ZNF362: variants seen among roughly 807,000 people sequenced by gnomAD.
The protein encoded by ZNF362 is zinc finger protein 362.
A neutral mutation model predicts 42.9 loss-of-function variants in ZNF362; 11 were observed. The observed-to-expected ratio is 0.26, with a 90% CI of 0.16 to 0.42. The LOEUF (loss-of-function observed/expected upper bound fraction) is 0.42. Among genes scored for constraint, ZNF362 ranks in the 20% least tolerant of loss-of-function variants. The probability of loss-of-function intolerance (pLI) is 1.00; values close to 1 mark genes in which losing one functional copy is unlikely to be tolerated. For synonymous variants in ZNF362, 255 were observed against 257.3 expected (o/e 0.99, Z 0.09); for missense variants, 362 against 576.2 (o/e 0.63, Z 3.81).
chr1:33,262,294 ATTCT>A (rs1180965798), intron 1 of ZNF362, among the ~76,000 whole-genome samples: 3 of 93,020 alleles, frequency 3.2e-5, no homozygotes, highest in Admixed American at 2.4e-4. Flanking sequence ...AGGCTTTAGG[ATTCT>A]TTTTTTTTTT....
At chr1:33,236,512 A>G in the ZNF362 span, among the ~76,000 whole-genome samples, 4 of 131,976 alleles carry the variant, frequency 3.0e-5, no homozygotes, top group African/African-American at 5.7e-5. Flanking sequence ...CCTGGGTGAC[A>G]GAACAAGACT....
At chr1:33,270,388 T>C (rs1331607840) in intron 1 of ZNF362, 99 bp from the exon 2 acceptor site, 4 of 560,866 alleles carry the variant, frequency 7.1e-6, no homozygotes, top group Middle Eastern at 4.7e-4. Context: ...GTGACATGAA[T>C]CATGACATAT....
chr1:33,173,405 G>T, the ZNF362 span, among the ~76,000 whole-genome samples: 1 of 152,204 alleles, frequency 6.6e-6, no homozygotes, highest in Non-Finnish European at 1.5e-5. Flanking sequence ...ATGTGTGTGT[G>T]TGAGCTTGTG....
At chr1:33,152,573 GAAAAAA>G in the ZNF362 span, among the ~76,000 whole-genome samples, 6 of 102,824 alleles carry the variant, frequency 5.8e-5, no homozygotes, top group Non-Finnish European at 1.2e-4. Flanking sequence ...GTCTCAAAAA[GAAAAAA>G]AAAAAAAAAA....
chr1:33,166,611 C>T, the ZNF362 span, among the ~76,000 whole-genome samples: 2 of 151,992 alleles, frequency 1.3e-5, no homozygotes, highest in African/African-American at 4.8e-5. Flanking sequence ...AGAAACTGGC[C>T]CCATAGCATA....
chr1:33,218,283 A>C, the ZNF362 span, among the ~76,000 whole-genome samples: 1 of 152,186 alleles, frequency 6.6e-6, no homozygotes, highest in Non-Finnish European at 1.5e-5. Flanking sequence ...TCTACAAAAA[A>C]TTTAAAAATT....
At chr1:33,147,547 C>T in the ZNF362 span, 1 of 1,614,106 alleles carries the variant, frequency 6.2e-7, no homozygotes, top group Non-Finnish European at 8.5e-7. This position sits in a 1 kb window ranked among gnomAD's most constrained non-coding sequence, Gnocchi z 8.1. Context: ...CACCACCTCC[C>T]AGTAGTGGAC....
chr1:33,140,301 G>C, the ZNF362 span, among the ~76,000 whole-genome samples: 2 of 152,342 alleles, frequency 1.3e-5, no homozygotes, highest in South Asian at 2.1e-4. This position sits in a 1 kb window ranked among gnomAD's most constrained non-coding sequence, Gnocchi z 4.0. Flanking sequence ...GCCCCACCCT[G>C]GTGAGAGGCA....
At chr1:33,291,250 A>G (rs1195670496) in intron 6 of ZNF362, among the ~76,000 whole-genome samples, 1 of 152,164 alleles carries the variant, frequency 6.6e-6, no homozygotes, top group Admixed American at 6.5e-5. Flanking sequence ...TATAAGGTGT[A>G]AGGAAGGGAT....
chr1:33,151,258 G>A, the ZNF362 span, among the ~76,000 whole-genome samples: 1 of 152,120 alleles, frequency 6.6e-6, no homozygotes, highest in South Asian at 2.1e-4. Context: ...CAGGGGACAG[G>A]ATGGGTACAG....
the ZNF362 span, among the ~76,000 whole-genome samples, chr1:33,189,905 G>T: frequency 1.3e-5 from 2 of 151,496 alleles, no homozygotes; most frequent in Non-Finnish European, 2.9e-5. Flanking sequence ...AGACCCACTG[G>T]ACTCACTGTA....
At chr1:33,239,681 T>C in the ZNF362 span, among the ~76,000 whole-genome samples, 1 of 152,300 alleles carries the variant, frequency 6.6e-6, no homozygotes, top group Admixed American at 6.5e-5. Context: ...ACTCACTTAC[T>C]ATCACGAGAA....
At chr1:33,168,203 T>C in the ZNF362 span, among the ~76,000 whole-genome samples, 2 of 152,154 alleles carry the variant, frequency 1.3e-5, no homozygotes, top group Non-Finnish European at 1.5e-5. Context: ...TGAGAGCCCA[T>C]GCTGATGCAA....
intron 6 of ZNF362, among the ~76,000 whole-genome samples, chr1:33,291,861 G>C (rs1258189394): frequency 1.3e-5 from 2 of 152,054 alleles, no homozygotes; most frequent in African/African-American, 4.8e-5. Context: ...CTCATGATTT[G>C]GCTCTCTGTC....
At chr1:33,130,544 G>C in the ZNF362 span, among the ~76,000 whole-genome samples, 1 of 152,166 alleles carries the variant, frequency 6.6e-6, no homozygotes, top group East Asian at 1.9e-4. Context: ...GAGTGAGCTT[G>C]AAAGTAGATC....
chr1:33,256,820 G>A (rs1645794921), intron 1 of ZNF362, among the ~76,000 whole-genome samples, 166 bp downstream of exon 1: 1 of 115,730 alleles, frequency 8.6e-6, no homozygotes, highest in Non-Finnish European at 1.9e-5. Context: ...CTCGGGCCCG[G>A]CCCAGAGCGG....
chr1:33,199,435 C>T, the ZNF362 span, among the ~76,000 whole-genome samples: 98 of 151,842 alleles, frequency 6.5e-4, 1 homozygote, highest in African/African-American at 2.3e-3. Flanking sequence ...AAATATATTT[C>T]AAAAATGAAG....
Position 33,281,809 on chromosome 1 carries a change from C to T in ZNF362, c.906C>T (p.Thr302=). The change falls in exon 6 of 9, where the codon ACC becomes ACT. Residue 302 remains threonine (T), a splice_region_variant and synonymous_variant. Transcript: ENST00000539719. This position sits in a 1 kb window ranked among gnomAD's most constrained non-coding sequence, Gnocchi z 4.8. ...AGCTCTCCCACCTCCAGCAGCACAC[C>T]AGGTGAGTGGCCTGCCTGCTGCCCT... The part of the protein sequence containing the change: ...FRQLSHLQQH[T]RIHTGDRPYK... The T allele has an allele frequency of 6.2e-7, 1 of 1,614,050 alleles. No homozygotes were observed. The highest frequency in any genetic ancestry group is 1.3e-5 in the African/African-American group (1 of 75,062).
the ZNF362 span, among the ~76,000 whole-genome samples, chr1:33,208,884 T>C: frequency 0.018 from 2,816 of 152,288 alleles, 47 homozygotes; most frequent in Non-Finnish European, 0.029. Context: ...ACAATTTGAT[T>C]TCCTTTTTTC....
Sources: allele counts gnomAD v4.1 joint callset (sites outside exome capture counted in the v4.1 genomes callset), GRCh38; gene constraint gnomAD v4.1.1; non-coding constraint Gnocchi (gnomAD v3.1); transcripts MANE v1.5; gene names NCBI Gene and HGNC (gene_info 2026-07-23, HGNC 2026-07-21).